Variants in ZNF737 observed in about 807,000 individuals in gnomAD.
ZNF737 encodes zinc finger protein 102 (Y3).
A neutral mutation model predicts 11.7 loss-of-function variants in ZNF737; 13 were observed. The observed-to-expected ratio is 1.11, with a 90% confidence interval of 0.73 to 1.77. The LOEUF is 1.77. Ranked by LOEUF, ZNF737 falls within the 40% of genes most tolerant of loss-of-function variation. The pLI is 0.00. For missense variants in ZNF737, 636 were observed against 638.0 expected, an observed-to-expected ratio of 1.00 and a Z score of 0.03; for synonymous variants, 217 against 216.2, an observed-to-expected ratio of 1.00 and a Z score of -0.03.
downstream of ZNF737, among the ~76,000 whole-genome samples, chr19:20,533,155 T>C (rs1967870538): frequency 6.7e-6 from 1 of 150,222 alleles, no homozygotes; most frequent in African/African-American, 2.5e-5. Context: ...AAGGCCTTAG[T>C]AAGTATTCAT....
chr19:20,559,787 C>A (rs1449743642), intron 1 of ZNF737, among the ~76,000 whole-genome samples: 1 of 152,160 alleles, frequency 6.6e-6, no homozygotes, highest in Non-Finnish European at 1.5e-5. Context: ...AAAGACACAT[C>A]CACATGCATG....
In ZNF737 at chr19:20,543,179, T is replaced by G; in HGVS notation, c.*1413A>C. 1 of 979,156 alleles carries G rather than the reference T, an allele frequency of 1.0e-6. No homozygotes were observed. The highest frequency in any genetic ancestry group is 1.8e-5 in the African/African-American group (1 of 57,046). The allele number at this position is 979,156 out of a possible 1,614,324, so 60.7% of individuals were successfully genotyped here. On this transcript the variant is annotated 3_prime_UTR_variant, in exon 4 of 4. Coordinates refer to ENST00000427401, the MANE Select transcript of ZNF737 (RefSeq NM_001159293.2). ...ATTATATTTTAGCATAAACTCTCTG[T>G]TGTTTTCTAAGCTGTAGTTTCTGGG... is the stretch of plus-strand genomic sequence containing the variant.
Position 20,544,180 on chromosome 19 carries a change from T to G in ZNF737, c.*412A>C. 18 of 1,011,564 alleles carry G rather than the reference T, an allele frequency of 1.8e-5. No homozygotes were observed. Among genetic ancestry groups the G allele is most frequent in the Non-Finnish European group, 2.1e-5 (18 of 846,066 alleles). The allele number at this position is 1,011,564 out of a possible 1,614,324, so 62.7% of individuals were successfully genotyped here. ...ATAGGATTTGCCACATTCCTCAAAC[T>G]TGTAGGATTTTTGTCCAGCATGAAT... On this transcript the variant is annotated 3_prime_UTR_variant, in exon 4 of 4. Transcript: ENST00000427401.
chr19:20,544,961 T>A lies in ZNF737; in HGVS notation c.1242A>T (p.Thr414=), dbSNP rs967372820. ...EAFKYSSSLT[T]HKIIHTGQQP... is the part of the protein sequence containing the mutation. ...GCTGTCCAGTATGGATTATCTTATG[T>A]GTAGTAAGGGAAGAGGAGTACTTAA... The change falls in exon 4 of 4, where the codon ACA becomes ACT. Residue 414 remains threonine, a synonymous_variant. Transcript: ENST00000427401. 1.9e-6 allele frequency: 3 copies of A among 1,613,126 alleles called. No homozygotes were observed. The highest frequency in any genetic ancestry group is 1.7e-4 in the Middle Eastern group (1 of 6,054).
In ZNF737 at chr19:20,544,796, A is replaced by C. The variant is rs782592403; in HGVS notation, c.1407T>G (p.Thr469=). The change falls in exon 4 of 4, where the codon ACT becomes ACG. Residue 469 remains threonine, a synonymous_variant. Coordinates refer to ENST00000427401, the MANE Select transcript of ZNF737 (RefSeq NM_001159293.2). ...CTCCAGTATGAATTCTCTTATGTGC[A>C]GTAAGGTGTGAGGACGAGTTGAAGG... is the stretch of plus-strand genomic sequence containing the variant. ...GKAFNSSSHL[T]AHKRIHTGEK... 47 of 1,609,902 alleles carry C rather than the reference A, an allele frequency of 2.9e-5. No homozygotes were observed. In the African/African-American group the frequency reaches 6.0e-4, roughly 21 times the overall value.
downstream of ZNF737, among the ~76,000 whole-genome samples, chr19:20,531,092 G>A (rs1967814186): frequency 1.4e-5 from 2 of 146,546 alleles, no homozygotes; most frequent in African/African-American, 5.1e-5. Context: ...GTCAGGCGTG[G>A]CGGCGCGCGC....
chr19:20,565,611 C>T (rs1444406529), intron 1 of ZNF737, 27 bp downstream of exon 1: 7 of 1,614,070 alleles, frequency 4.3e-6, no homozygotes, highest in Non-Finnish European at 5.1e-6. Context: ...ATCCCCCTCT[C>T]TCGGGATGTC....
Position 20,545,133 on chromosome 19 carries a change from G to T in ZNF737, c.1070C>A (p.Thr357Asn), listed in dbSNP as rs781967354. ...TCCACTATGAATTATCTTGTGTGTA[G>T]TAAGGGATGAGAAGTACTTAAAGGC... Reference protein sequence around the residue: ...GRAFKYFSSLTTHKIIHSGEK... With the variant: ...GRAFKYFSSLNTHKIIHSGEK... The change falls in exon 4 of 4, where the codon ACT becomes AAT. Residue 357 changes from threonine to asparagine, a missense_variant. Thr to Asn is a moderately conservative substitution (Grantham distance 65). Coordinates refer to ENST00000427401, the MANE Select transcript of ZNF737 (RefSeq NM_001159293.2). 1 of 1,611,478 alleles carries T rather than the reference G, an allele frequency of 6.2e-7. No homozygotes were observed. The highest frequency in any genetic ancestry group is 8.5e-7 in the Non-Finnish European group (1 of 1,178,624).
At chr19:20,536,080 A>T, downstream of ZNF737, 1 of 985,222 alleles carries the variant, frequency 1.0e-6, no homozygotes, top group Non-Finnish European at 1.2e-6. Flanking sequence ...ATTCACTATT[A>T]TTCAATGTGG....
At chr19:20,548,966 A>AG (rs1395301509) in intron 3 of ZNF737, among the ~76,000 whole-genome samples, 1 of 113,686 alleles carries the variant, frequency 8.8e-6, no homozygotes, top group Non-Finnish European at 1.8e-5. Flanking sequence ...AAAACTGAAA[A>AG]AAAAAAAAAA....
In ZNF737 at chr19:20,539,581, TA is replaced by T. The variant is rs1968116102; in HGVS notation, c.*5010del. 1 of 979,448 alleles carries T rather than the reference TA, an allele frequency of 1.0e-6. No homozygotes were observed. Among genetic ancestry groups the T allele is most frequent in the African/African-American group, 1.8e-5 (1 of 57,120 alleles). The allele number at this position is 979,448 out of a possible 1,614,324, so 60.7% of individuals were successfully genotyped here. A position where few individuals can be genotyped will look rare whatever the true frequency, so the allele number is the denominator to read the frequency against. ...GTGAATCTAAAAGAAACTATCTACA[TA>T]ACTAATCATGGATTCAAAAAATATT... On this transcript the variant is annotated 3_prime_UTR_variant, in exon 4 of 4. Transcript: ENST00000427401.
At chr19:20,560,188 A>T (rs1386478735) in intron 1 of ZNF737, among the ~76,000 whole-genome samples, 1 of 151,400 alleles carries the variant, frequency 6.6e-6, no homozygotes, top group Non-Finnish European at 1.5e-5. Flanking sequence ...AAAAAAAAAA[A>T]AAAAAAAAAT....
At position 20,560,167 on chromosome 19, in the gene ZNF737, C is replaced by T. The variant is rs1363219074; in HGVS notation, c.3+5471G>A. On this transcript the variant is annotated intron_variant, in intron 1 of 3. Transcript: ENST00000427401. ...CGGCCTGGGCGACAGAGCGAGACTC[C>T]GTCTCAAAAAAAAAAAAAAAAAAAA... is the stretch of plus-strand genomic sequence containing the variant. Among the ~76,000 whole-genome samples the T allele has an allele frequency of 3.3e-5, 3 of 91,590 alleles. No homozygotes were observed. The East Asian group carries it at 9.1e-4, about 28-fold the overall frequency. The allele number at this position is 91,590 out of a possible 152,430, so 60.1% of individuals were successfully genotyped here.
downstream of ZNF737, among the ~76,000 whole-genome samples, chr19:20,531,781 T>G (rs1405891593): frequency 1.3e-5 from 2 of 150,040 alleles, no homozygotes; most frequent in African/African-American, 4.9e-5. Context: ...TATCTCACTA[T>G]TCATAGCATT....
chr19:20,540,933 T>C lies in ZNF737; in HGVS notation c.*3659A>G, dbSNP rs552664637. The C allele has an allele frequency of 2.1e-5, 20 of 973,014 alleles. No individual in the cohort carries two copies. In the East Asian group the frequency reaches 8.0e-4, roughly 39 times the overall value. The allele number at this position is 973,014 out of a possible 1,614,324, so 60.3% of individuals were successfully genotyped here. ...TCACACACACATAGAACAATAAAAA[T>C]ATATCCAATTATTCAATTTTGGTTG... On this transcript the variant is annotated 3_prime_UTR_variant, in exon 4 of 4. Transcript: ENST00000427401.
intron 1 of ZNF737, 119 bp from the exon 2 acceptor site, chr19:20,553,954 A>G (rs1347162147): frequency 5.9e-6 from 7 of 1,187,458 alleles, no homozygotes; most frequent in Non-Finnish European, 8.2e-6. Flanking sequence ...ACTGACTAAA[A>G]TTATCCAATA....
At position 20,539,808 on chromosome 19, in the gene ZNF737, AC is replaced by A; in HGVS notation, c.*4783del. ...GGCATTTCTGTAATAAATAGTGTAAACCTGTGTCACCAGAATGGTGCAGACA... is the reference window on the plus strand; with the variant it reads ...GGCATTTCTGTAATAAATAGTGTAAACTGTGTCACCAGAATGGTGCAGACA... On this transcript the variant is annotated 3_prime_UTR_variant, in exon 4 of 4. Transcript: ENST00000427401. 2 of 985,400 alleles carry A rather than the reference AC, an allele frequency of 2.0e-6. No homozygotes were observed. The highest frequency in any genetic ancestry group is 2.4e-6 in the Non-Finnish European group (2 of 829,930). 61.0% of individuals were successfully genotyped at this position (985,400 alleles called of 1,614,324 possible). A position where few individuals can be genotyped will look rare whatever the true frequency, so the allele number is the denominator to read the frequency against.
chr19:20,538,859 T>C lies in ZNF737; in HGVS notation c.*5733A>G, dbSNP rs1242022352. The C allele has an allele frequency of 1.0e-6, 1 of 985,180 alleles. No individual in the cohort carries two copies. Among genetic ancestry groups the C allele is most frequent in the Admixed American group, 6.1e-5 (1 of 16,266 alleles). The allele number at this position is 985,180 out of a possible 1,614,324, so 61.0% of individuals were successfully genotyped here. A position where few individuals can be genotyped will look rare whatever the true frequency, so the allele number is the denominator to read the frequency against. On this transcript the variant is annotated 3_prime_UTR_variant, in exon 4 of 4. Coordinates refer to ENST00000427401, the MANE Select transcript of ZNF737 (RefSeq NM_001159293.2). Reference sequence around the variant, plus strand: ...ACTAATGGCATCTGTTACCCATTAATTTTATACATTTGCTTTTTTGAAAAA... The same window carrying C: ...ACTAATGGCATCTGTTACCCATTAACTTTATACATTTGCTTTTTTGAAAAA...
intron 3 of ZNF737, among the ~76,000 whole-genome samples, chr19:20,551,996 ATACG>A (rs1555758581): frequency 6.6e-6 from 1 of 151,476 alleles, no homozygotes; most frequent in Non-Finnish European, 1.5e-5. Flanking sequence ...GAAGGATATC[ATACG>A]TATAATTTCA....
Sources: gnomAD v4.1 joint callset for allele counts (sites outside exome capture counted in the v4.1 genomes callset) on GRCh38, gnomAD v4.1.1 for gene constraint, MANE v1.5 for transcripts, NCBI Gene and HGNC (gene_info 2026-07-23, HGNC 2026-07-21) for gene names.